Variants in EEFSEC observed in about 807,000 individuals in gnomAD.
EEFSEC encodes the protein selenocysteine-specific elongation factor.
Under a neutral mutation model 42.1 loss-of-function variants are expected in EEFSEC, and 43 were observed. The observed-to-expected ratio is 1.02, with a 90% CI of 0.80 to 1.32. The LOEUF (loss-of-function observed/expected upper bound fraction) is 1.32. Among genes scored for constraint, EEFSEC ranks in the 40% most tolerant of loss-of-function variants. EEFSEC has a pLI of 0.00. For missense variants in EEFSEC, 745 were observed against 803.6 expected (o/e 0.93, Z 0.88); for synonymous variants, 354 against 339.1 (o/e 1.04, Z -0.48).
At chr3:128,258,615 CAGA>C (rs2066266255) in intron 2 of EEFSEC, among the ~76,000 whole-genome samples, 1 of 152,146 alleles carries the variant, frequency 6.6e-6, no homozygotes, top group African/African-American at 2.4e-5. Context: ...GGAATGATGA[CAGA>C]AGTTCTTCCT....
intron 4 of EEFSEC, 134 bp downstream of exon 4, chr3:128,264,915 T>TC: frequency 9.0e-7 from 1 of 1,111,388 alleles, no homozygotes; most frequent in Non-Finnish European, 1.2e-6. Flanking sequence ...CCGCCCCACC[T>TC]CCCCTCTGGC....
intron 1 of EEFSEC, among the ~76,000 whole-genome samples, chr3:128,237,358 C>T (rs2066023781): frequency 6.6e-6 from 1 of 151,118 alleles, no homozygotes. Context: ...TTTTTCTCAC[C>T]CTTTCTTTCA....
intron 1 of EEFSEC, among the ~76,000 whole-genome samples, chr3:128,160,673 C>G (rs2065175145): frequency 1.3e-5 from 2 of 152,068 alleles, no homozygotes; most frequent in African/African-American, 4.8e-5. Context: ...GATTTAGACC[C>G]CCTGTGGAAT....
intron 6 of EEFSEC, among the ~76,000 whole-genome samples, chr3:128,382,923 G>A (rs913779556): frequency 5.9e-5 from 9 of 152,188 alleles, no homozygotes; most frequent in African/African-American, 1.4e-4. Flanking sequence ...ACAAGGGAGC[G>A]GGCAGAGGAG....
chr3:128,270,672 A>G lies in EEFSEC; in HGVS notation c.786+5891A>G, dbSNP rs2066404223. ...TGGAAAGAATCCATTTTCTTGCCCA[A>G]ACAAGCCTGCAGTCTTGACTCTTCC... On this transcript the variant is annotated intron_variant, in intron 4 of 6. Coordinates refer to ENST00000254730, the MANE Select transcript of EEFSEC (RefSeq NM_021937.5). Among the ~76,000 whole-genome samples, 3 of 152,364 alleles carry G rather than the reference A, an allele frequency of 2.0e-5. No individual in the cohort carries two copies. The South Asian group carries it at 6.2e-4, about 32-fold the overall frequency.
chr3:128,300,945 G>T (rs948101144), intron 4 of EEFSEC, among the ~76,000 whole-genome samples: 3 of 151,554 alleles, frequency 2.0e-5, no homozygotes, highest in South Asian at 2.1e-4. Flanking sequence ...TCTTGCATAT[G>T]CCTAAATTAT....
chr3:128,345,958 A>T (rs1310250336), intron 5 of EEFSEC, among the ~76,000 whole-genome samples: 1 of 151,554 alleles, frequency 6.6e-6, no homozygotes, highest in African/African-American at 2.4e-5. Context: ...GTGAACAGTA[A>T]ATTAGACATT....
chr3:128,278,608 AG>A (rs2066492021), intron 4 of EEFSEC, among the ~76,000 whole-genome samples: 1 of 152,228 alleles, frequency 6.6e-6, no homozygotes, highest in African/African-American at 2.4e-5. Flanking sequence ...CAACCTTGGT[AG>A]TTGGGGCCTC....
At chr3:128,211,462 C>G (rs998352738) in intron 1 of EEFSEC, among the ~76,000 whole-genome samples, 1 of 151,952 alleles carries the variant, frequency 6.6e-6, no homozygotes, top group African/African-American at 2.4e-5. Context: ...AGATAACATA[C>G]TGTTACTTGA....
rs147238616 is a variant in EEFSEC, at chr3:128,367,124, A to G, written c.1600+8751A>G. Among the ~76,000 whole-genome samples, 563 of 152,338 alleles carry G rather than the reference A, an allele frequency of 3.7e-3. 1 individual carries two copies. The highest frequency in any genetic ancestry group is 0.01 in the Middle Eastern group (3 of 294). The stretch of plus-strand genomic sequence containing the variant: ...TGAAGGACATTAGTCAGTTTGGTTT[A>G]GAACTCAACCTAAAGACCTCATTTC... On this transcript the variant is annotated intron_variant, in intron 6 of 6. Transcript: ENST00000254730.
chr3:128,354,465 C>T, intron 5 of EEFSEC, among the ~76,000 whole-genome samples: 1 of 152,198 alleles, frequency 6.6e-6, no homozygotes, highest in East Asian at 1.9e-4. Flanking sequence ...CCGAGCTGCA[C>T]CACACACCAG....
intron 5 of EEFSEC, among the ~76,000 whole-genome samples, chr3:128,356,168 A>AAT (rs2067451014): frequency 6.6e-6 from 1 of 152,234 alleles, no homozygotes; most frequent in Non-Finnish European, 1.5e-5. Flanking sequence ...CAAGAATATT[A>AAT]ATATCAGCTT....
At chr3:128,411,885 G>A (rs1393191747), downstream of EEFSEC, among the ~76,000 whole-genome samples, 2 of 152,260 alleles carry the variant, frequency 1.3e-5, no homozygotes, top group Non-Finnish European at 1.5e-5. Context: ...GTGCGCACAC[G>A]GGCTTTGGTG....
intron 4 of EEFSEC, among the ~76,000 whole-genome samples, chr3:128,301,990 T>C (rs1001013546): frequency 1.3e-5 from 2 of 152,178 alleles, no homozygotes; most frequent in African/African-American, 4.8e-5. Flanking sequence ...ATTTTTCTCA[T>C]TGAAGTGGAA....
chr3:128,238,906 G>T (rs994543865), intron 1 of EEFSEC, among the ~76,000 whole-genome samples: 1 of 152,200 alleles, frequency 6.6e-6, no homozygotes, highest in Non-Finnish European at 1.5e-5. Context: ...TCTGGTCCAC[G>T]TGGTATGGCA....
intron 1 of EEFSEC, among the ~76,000 whole-genome samples, chr3:128,208,957 C>T (rs2065728114): frequency 6.6e-6 from 1 of 152,152 alleles, no homozygotes; most frequent in South Asian, 2.1e-4. Flanking sequence ...ACAACTGATT[C>T]TATGTGGGGA....
intron 1 of EEFSEC, among the ~76,000 whole-genome samples, chr3:128,214,524 G>T (rs564827428): frequency 5.9e-5 from 9 of 152,242 alleles, no homozygotes; most frequent in Admixed American, 1.3e-4. Context: ...CTAATATAAT[G>T]TAACTTGGTT....
chr3:128,283,301 T>C (rs1182228105), intron 4 of EEFSEC, among the ~76,000 whole-genome samples: 1 of 152,222 alleles, frequency 6.6e-6, no homozygotes, highest in African/African-American at 2.4e-5. Context: ...GAGGGGTGGC[T>C]ATGTTCGTTC....
At chr3:128,242,242 C>T (rs761384372) in intron 1 of EEFSEC, among the ~76,000 whole-genome samples, 3 of 151,810 alleles carry the variant, frequency 2.0e-5, no homozygotes, top group Non-Finnish European at 4.4e-5. Context: ...TCGTTTGAGC[C>T]CAGGAATTCA....
Sources: allele counts gnomAD v4.1 joint callset (sites outside exome capture counted in the v4.1 genomes callset), GRCh38; gene constraint gnomAD v4.1.1; transcripts MANE v1.5; gene names NCBI Gene and HGNC (gene_info 2026-07-23, HGNC 2026-07-21).